Variants in ASCC3 observed in about 807,000 individuals in gnomAD.
The protein encoded by ASCC3 is activating signal cointegrator 1 complex subunit 3, also known as ASC-1 complex subunit P200.
Under a neutral mutation model 256.3 loss-of-function variants are expected in ASCC3, and 158 were observed. The ratio of observed to expected loss-of-function variants is 0.62; its 90% CI spans 0.54 to 0.70. ASCC3 has a LOEUF of 0.70. Ranked by LOEUF, ASCC3 falls within the 30% of genes least tolerant of loss-of-function variation. The pLI is 0.00. For missense variants in ASCC3, 2,259 were observed against 2,626.0 expected, an observed-to-expected ratio of 0.86 and a Z score of 3.05; for synonymous variants, 948 against 883.4, an observed-to-expected ratio of 1.07 and a Z score of -1.30.
At chr6:100,726,180 A>G (rs907863577) in intron 10 of ASCC3, among the ~76,000 whole-genome samples, 20 of 151,948 alleles carry the variant, frequency 1.3e-4, no homozygotes, top group African/African-American at 4.3e-4. Flanking sequence ...TATCATAAAT[A>G]TACCCAGAGA....
intron 36 of ASCC3, among the ~76,000 whole-genome samples, chr6:100,541,795 C>A (rs183059869): frequency 6.6e-6 from 1 of 152,228 alleles, no homozygotes; most frequent in East Asian, 1.9e-4. Flanking sequence ...TTAGGACTGA[C>A]ATAGATCTTA....
In ASCC3 at chr6:100,647,281, T is replaced by C. The variant is rs758780530; in HGVS notation, c.3423A>G (p.Leu1141=). The change falls in exon 21 of 42, where the codon TTA becomes TTG. Residue 1141 remains leucine (L), a synonymous_variant. Coordinates refer to ENST00000369162, the MANE Select transcript of ASCC3 (RefSeq NM_006828.4). ...TATCCACAGTAAGCTTTTTTTCTTC[T>C]AATCTTGTTAGGATGTGTGGTGGTA... ...SILPPHILTR[L]EEKKLTVDKL... is the part of the protein sequence containing the mutation. 3.1e-6 allele frequency: 5 copies of C among 1,614,080 alleles called. No individual in the cohort carries two copies. The highest frequency in any genetic ancestry group is 1.3e-5 in the African/African-American group (1 of 75,040).
At chr6:100,855,722 G>C (rs1203872437) in intron 3 of ASCC3, among the ~76,000 whole-genome samples, 1 of 152,104 alleles carries the variant, frequency 6.6e-6, no homozygotes, top group African/African-American at 2.4e-5. Flanking sequence ...ACCCATAGAA[G>C]CAACTATTTG....
intron 24 of ASCC3, among the ~76,000 whole-genome samples, 192 bp downstream of exon 24, chr6:100,642,389 G>A (rs1775167879): frequency 6.6e-6 from 1 of 152,036 alleles, no homozygotes; most frequent in Non-Finnish European, 1.5e-5. Flanking sequence ...TGGAATAAAC[G>A]CAAGGGAGAA....
At position 100,697,213 on chromosome 6, in the gene ASCC3, A is replaced by T. The variant is rs1778129581; in HGVS notation, c.2152-17461T>A. Among the ~76,000 whole-genome samples, 4 of 152,074 alleles carry T rather than the reference A, an allele frequency of 2.6e-5. 1 individual carries two copies. The South Asian group carries it at 8.3e-4, about 31-fold the overall frequency. On this transcript the variant is annotated intron_variant, in intron 13 of 41. Transcript: ENST00000369162. ...ACATTCTGGAGGTGTGAAACAAAAC[A>T]AGATAAAAATTACAAAGTGCTATGG...
At chr6:100,845,714 G>A (rs1169516366) in intron 4 of ASCC3, among the ~76,000 whole-genome samples, 2 of 151,938 alleles carry the variant, frequency 1.3e-5, no homozygotes, top group Non-Finnish European at 2.9e-5. Flanking sequence ...CAGTCTTTGT[G>A]GTAAATGTAA....
At chr6:100,657,549 C>T (rs12211843) in intron 16 of ASCC3, among the ~76,000 whole-genome samples, 3 of 151,352 alleles carry the variant, frequency 2.0e-5, no homozygotes, top group Non-Finnish European at 3.0e-5. Context: ...TATGATGTTA[C>T]TTTAAAATAA....
chr6:100,570,260 G>T (rs1428337339), intron 36 of ASCC3, among the ~76,000 whole-genome samples: 8 of 152,016 alleles, frequency 5.3e-5, no homozygotes, highest in African/African-American at 1.9e-4. Flanking sequence ...TTTCCTATTT[G>T]GATGTCTTTT....
In ASCC3 at chr6:100,767,349, A is replaced by C; in HGVS notation, c.1396-4T>G. On this transcript the variant is annotated splice_region_variant and splice_polypyrimidine_tract_variant and intron_variant, in intron 8 of 41. Transcript: ENST00000369162. Reference sequence around the variant, plus strand: ...CTTTAAAAGCCAGCTGTCCGATCTAAAAAAAAAAGGCATCACCCATTATAA... The same window carrying C: ...CTTTAAAAGCCAGCTGTCCGATCTACAAAAAAAAGGCATCACCCATTATAA... 1 of 1,051,952 alleles carries C rather than the reference A, an allele frequency of 9.5e-7. No homozygotes were observed. The highest frequency in any genetic ancestry group is 1.2e-6 in the Non-Finnish European group (1 of 837,036). The allele number at this position is 1,051,952 out of a possible 1,614,324, so 65.2% of individuals were successfully genotyped here.
chr6:100,552,759 G>T (rs1769363768), intron 36 of ASCC3, among the ~76,000 whole-genome samples: 1 of 151,760 alleles, frequency 6.6e-6, no homozygotes, highest in Admixed American at 6.6e-5. Flanking sequence ...AAGTATTATG[G>T]AGTATATTAC....
At chr6:100,546,604 C>T (rs192918038) in intron 36 of ASCC3, among the ~76,000 whole-genome samples, 53 of 152,122 alleles carry the variant, frequency 3.5e-4, no homozygotes, top group African/African-American at 1.3e-3. Flanking sequence ...GATAGAAATG[C>T]AACCAACATC....
chr6:100,597,288 T>A (rs1457327743), intron 34 of ASCC3, among the ~76,000 whole-genome samples: 1 of 152,162 alleles, frequency 6.6e-6, no homozygotes, highest in Non-Finnish European at 1.5e-5. Context: ...TAGCAAAAGT[T>A]TTTGTTTAGT....
At chr6:100,751,189 T>G (rs1256287941) in intron 10 of ASCC3, among the ~76,000 whole-genome samples, 13 of 152,088 alleles carry the variant, frequency 8.5e-5, no homozygotes, top group Admixed American at 8.5e-4. Context: ...TTCATATGGC[T>G]GAGAAATATT....
In ASCC3 at chr6:100,835,082, G is replaced by GAA. The variant is rs77429395; in HGVS notation, c.801+13064_801+13065dup. ...AGTGCCTACCCAATAAGCCTTCGAG[G>GAA]AAAAAAAAAAAAAGACACATTCTGA... On this transcript the variant is annotated intron_variant, in intron 4 of 41. Coordinates refer to ENST00000369162, the MANE Select transcript of ASCC3 (RefSeq NM_006828.4). Among the ~76,000 whole-genome samples, 194 of 136,778 alleles carry GAA rather than the reference G, an allele frequency of 1.4e-3. 1 individual carries two copies. The highest frequency in any genetic ancestry group is 4.9e-3 in the African/African-American group (185 of 37,636). 89.7% of individuals were successfully genotyped at this position (136,778 alleles called of 152,430 possible).
At chr6:100,513,158 T>A (rs889071441) in intron 39 of ASCC3, among the ~76,000 whole-genome samples, 1 of 152,216 alleles carries the variant, frequency 6.6e-6, no homozygotes, top group African/African-American at 2.4e-5. Flanking sequence ...GACATTAACA[T>A]AATCCAGTGA....
intron 10 of ASCC3, among the ~76,000 whole-genome samples, chr6:100,763,220 A>C (rs1313430149): frequency 6.6e-6 from 1 of 152,226 alleles, no homozygotes; most frequent in Non-Finnish European, 1.5e-5. Flanking sequence ...GAAGGGTAGA[A>C]GAACAGGGTA....
intron 36 of ASCC3, among the ~76,000 whole-genome samples, chr6:100,589,194 C>T (rs1771860384): frequency 6.6e-6 from 1 of 152,092 alleles, no homozygotes; most frequent in Non-Finnish European, 1.5e-5. Flanking sequence ...GGATAAACAG[C>T]TGTCCTGACA....
chr6:100,724,429 T>C (rs970794227), intron 11 of ASCC3, among the ~76,000 whole-genome samples: 62 of 151,486 alleles, frequency 4.1e-4, no homozygotes, highest in African/African-American at 1.5e-3. Context: ...CAGTAGGTGG[T>C]GGTGAGGGAT....
At chr6:100,798,159 T>C (rs1769726002) in intron 8 of ASCC3, among the ~76,000 whole-genome samples, 1 of 152,116 alleles carries the variant, frequency 6.6e-6, no homozygotes, top group South Asian at 2.1e-4. Context: ...CTTTCAATAA[T>C]ATGAATACTT....
Sources: allele counts gnomAD v4.1 joint callset (sites outside exome capture counted in the v4.1 genomes callset), GRCh38; gene constraint gnomAD v4.1.1; transcripts MANE v1.5; gene names NCBI Gene and HGNC (gene_info 2026-07-23, HGNC 2026-07-21).